The following NRXN2 variants were observed in gnomAD, a reference collection of about 807,000 sequenced individuals.
NRXN2 encodes neurexin 2, also known as neurexin-2-beta.
NRXN2 carries 29 observed loss-of-function variants against 128.8 expected under a neutral mutation model. That is an observed-to-expected ratio of 0.23 (90% CI 0.17 to 0.31). The LOEUF is 0.31. NRXN2 is among the 10% of genes least tolerant of loss of function. The pLI, the probability that NRXN2 is intolerant of heterozygous loss-of-function variation, is 1.00. For missense variants in NRXN2, 1,881 were observed against 2,452.6 expected (o/e 0.77, Z 4.92); for synonymous variants, 1,098 against 1,075.2 (o/e 1.02, Z -0.41).
chr11:64,694,826 C>T (rs1179175250), intron 3 of NRXN2, among the ~76,000 whole-genome samples: 1 of 152,162 alleles, frequency 6.6e-6, no homozygotes, highest in African/African-American at 2.4e-5. Flanking sequence ...CTCAGGATCC[C>T]ACCCTTGAGA....
At chr11:64,656,419 G>A (rs181294024) in intron 11 of NRXN2, among the ~76,000 whole-genome samples, 2 of 152,350 alleles carry the variant, frequency 1.3e-5, no homozygotes, top group African/African-American at 4.8e-5. Flanking sequence ...TTCACAATAA[G>A]TGGGAATTTC....
In NRXN2 at chr11:64,632,777, T is replaced by A. The variant is rs1416291065; in HGVS notation, c.3586-2204A>T. Among the ~76,000 whole-genome samples the A allele has an allele frequency of 6.6e-6, 1 of 152,196 alleles. No individual in the cohort carries two copies. Among genetic ancestry groups the A allele is most frequent in the Non-Finnish European group, 1.5e-5 (1 of 68,036 alleles). ...AAGTCATTAATTCCTAATTCCCCAA[T>A]TACCTCATTAGGCGGCGGTGGGGAG... On this transcript the variant is annotated intron_variant, in intron 18 of 22. Coordinates refer to ENST00000265459, the MANE Select transcript of NRXN2 (RefSeq NM_015080.4). The surrounding 1 kb of genome is among the most constrained non-coding windows in gnomAD (Gnocchi z 4.2).
At position 64,619,196 on chromosome 11, in the gene NRXN2, A is replaced by G. The variant is rs143544006; in HGVS notation, c.4252+1098T>C. On this transcript the variant is annotated intron_variant, in intron 22 of 22. Transcript: ENST00000265459. ...TTCTGGTACCAACAACCCAGGTGCC[A>G]CCCATTGCAAGGTAATGGGGAGAAG... 3.4e-4 allele frequency among the ~76,000 whole-genome samples: 52 copies of G among 151,940 alleles called. 1 individual carries two copies. In the East Asian group the frequency reaches 9.3e-3, roughly 27 times the overall value.
At chr11:64,643,105 G>A (rs2045999363) in intron 17 of NRXN2, 14 of 986,602 alleles carry the variant, frequency 1.4e-5, no homozygotes, top group Non-Finnish European at 1.7e-5. Flanking sequence ...CAGAAACCCG[G>A]GGGAGCGCCC....
chr11:64,607,853 G>A lies in NRXN2; in HGVS notation c.4482C>T (p.Gly1494=), dbSNP rs752381547. 31 of 1,597,434 alleles carry A rather than the reference G, an allele frequency of 1.9e-5. No homozygotes were observed. Among genetic ancestry groups the A allele is most frequent in the Non-Finnish European group, 2.5e-5 (29 of 1,172,724 alleles). The change falls in exon 23 of 23, where the codon GGC becomes GGT. Residue 1494 remains glycine, a synonymous_variant. Coordinates refer to ENST00000265459, the MANE Select transcript of NRXN2 (RefSeq NM_015080.4). ...AGTCAAAGACCTCCCCGGAGGCGAAGCCCGAGGCCTCGATGGGCTCCTCGC... is the reference window on the plus strand; with the variant it reads ...AGTCAAAGACCTCCCCGGAGGCGAAACCCGAGGCCTCGATGGGCTCCTCGC... ...SDCEEPIEAS[G]FASGEVFDSS... is the part of the protein sequence containing the mutation.
At chr11:64,685,551 G>T in intron 6 of NRXN2, 95 bp downstream of exon 6, 1 of 1,515,836 alleles carries the variant, frequency 6.6e-7, no homozygotes, top group South Asian at 1.1e-5. Flanking sequence ...GCCCAGCCCT[G>T]ATCCCTCCAC....
At position 64,607,586 on chromosome 11, in the gene NRXN2, C is replaced by A; in HGVS notation, c.4749G>T (p.Gly1583=). Residue 1583 remains glycine, a synonymous_variant, in exon 23 of 23, where the codon GGG becomes GGT. Coordinates refer to ENST00000265459, the MANE Select transcript of NRXN2 (RefSeq NM_015080.4). ...PLLENPPLGP[G]APTSFEPRRP... ...TCCGCGGCTCAAAGGACGTGGGGGC[C>A]CCGGGCCCCAAGGGCGGGTTCTCCA... 6.5e-7 allele frequency: 1 copy of A among 1,533,962 alleles called. No homozygotes were observed. Among genetic ancestry groups the A allele is most frequent in the Non-Finnish European group, 8.7e-7 (1 of 1,144,024 alleles).
rs764319496 is a variant in NRXN2, at chr11:64,616,900, G to A, written c.4252+3394C>T. On this transcript the variant is annotated intron_variant, in intron 22 of 22. Transcript: ENST00000265459. Reference sequence around the variant, plus strand: ...CTCTGGGAGCTGAGTAGGTGCACACGTGTGCATCTGAGTGCCTCTGCGGCT... The same window carrying A: ...CTCTGGGAGCTGAGTAGGTGCACACATGTGCATCTGAGTGCCTCTGCGGCT... Among the ~76,000 whole-genome samples the A allele has an allele frequency of 5.9e-4, 90 of 152,220 alleles. 1 individual carries two copies. The highest frequency in any genetic ancestry group is 5.7e-4 in the Non-Finnish European group (39 of 68,032).
intron 19 of NRXN2, among the ~76,000 whole-genome samples, chr11:64,628,144 T>C (rs142140621): frequency 9.8e-5 from 15 of 152,304 alleles, no homozygotes; most frequent in Admixed American, 4.6e-4. Flanking sequence ...AAAAGTCCTA[T>C]TTATTGAGCA....
intron 2 of NRXN2, among the ~76,000 whole-genome samples, chr11:64,707,031 G>A (rs973516654): frequency 3.4e-5 from 5 of 148,602 alleles, no homozygotes; most frequent in Admixed American, 6.8e-5. Flanking sequence ...AGCTCACTGC[G>A]ACCTCCACCT....
chr11:64,649,066 C>T lies in NRXN2; in HGVS notation c.3110-159G>A, dbSNP rs368374062. Reference sequence around the variant, plus strand: ...GATCCAGAGACCTGCACAACCCGCACCCCCCCAACACACTTCTTCCTTCTC... The same window carrying T: ...GATCCAGAGACCTGCACAACCCGCATCCCCCCAACACACTTCTTCCTTCTC... On this transcript the variant is annotated intron_variant, in intron 15 of 22. Transcript: ENST00000265459. 1.6e-4 allele frequency among the ~76,000 whole-genome samples: 25 copies of T among 152,138 alleles called. No individual in the cohort carries two copies. The South Asian group carries it at 5.2e-3, about 32-fold the overall frequency.
In NRXN2 at chr11:64,607,945, G is replaced by T. The variant is rs942171289; in HGVS notation, c.4390C>A (p.Pro1464Thr). ...GGCGGGCGGCGCGCGGCGGGCGGGGGCAGCGTGTCTTGGGTGGCGCCCACT... is the reference window on the plus strand; with the variant it reads ...GGCGGGCGGCGCGCGGCGGGCGGGGTCAGCGTGTCTTGGGTGGCGCCCACT... ...TGVGATQDTL[P>T]PPAARRPPSG... Residue 1464 changes from proline (P) to threonine (T), a missense_variant, in exon 23 of 23, where the codon CCC becomes ACC. Transcript: ENST00000265459. The T allele has an allele frequency of 6.5e-7, 1 of 1,544,832 alleles. No homozygotes were observed. Among genetic ancestry groups the T allele is most frequent in the Admixed American group, 2.0e-5 (1 of 50,548 alleles).
At chr11:64,613,145 C>T (rs1460959772) in intron 22 of NRXN2, among the ~76,000 whole-genome samples, 1 of 152,236 alleles carries the variant, frequency 6.6e-6, no homozygotes, top group Non-Finnish European at 1.5e-5. Flanking sequence ...GTGGCATATG[C>T]ACATGCACAC....
intron 22 of NRXN2, among the ~76,000 whole-genome samples, chr11:64,610,792 A>G (rs2040506660): frequency 6.6e-6 from 1 of 152,170 alleles, no homozygotes. Context: ...GAGGGTTGGC[A>G]GCCTCTCGAG....
chr11:64,618,828 C>A (rs1049581530), intron 22 of NRXN2, among the ~76,000 whole-genome samples: 3 of 152,170 alleles, frequency 2.0e-5, no homozygotes, highest in Non-Finnish European at 4.4e-5. Flanking sequence ...CTGAAGGTCC[C>A]TGGGCCCAGG....
chr11:64,682,227 C>T (rs1355835539), intron 6 of NRXN2, among the ~76,000 whole-genome samples: 2 of 149,696 alleles, frequency 1.3e-5, no homozygotes, highest in African/African-American at 5.0e-5. Flanking sequence ...GCCCCTGGGG[C>T]AGTCCCCCAT....
At chr11:64,690,181 G>A (rs923270109) in intron 5 of NRXN2, among the ~76,000 whole-genome samples, 2 of 152,250 alleles carry the variant, frequency 1.3e-5, no homozygotes, top group Non-Finnish European at 1.5e-5. Flanking sequence ...GAAGTCATCA[G>A]AACAACTGGG....
intron 12 of NRXN2, 29 bp downstream of exon 12, chr11:64,653,667 C>A: frequency 6.3e-7 from 1 of 1,588,726 alleles, no homozygotes; most frequent in Non-Finnish European, 8.6e-7. Flanking sequence ...CCCCTTGGGT[C>A]TCTGCAGAAG....
intron 22 of NRXN2, 76 bp downstream of exon 22, chr11:64,620,218 G>A: frequency 1.7e-6 from 2 of 1,206,932 alleles, no homozygotes; most frequent in Non-Finnish European, 2.4e-6. Context: ...CTTGGGCCAG[G>A]TGGCAGGGAC....
Sources: allele counts gnomAD v4.1 joint callset (sites outside exome capture counted in the v4.1 genomes callset), GRCh38; gene constraint gnomAD v4.1.1; non-coding constraint Gnocchi (gnomAD v3.1); transcripts MANE v1.5; gene names NCBI Gene and HGNC (gene_info 2026-07-23, HGNC 2026-07-21).